RPA1: variants seen among roughly 807,000 people sequenced by gnomAD.
The protein encoded by RPA1 is replication protein A1, also known as replication protein A 70 kDa DNA-binding subunit.
Under a neutral mutation model 83.0 loss-of-function variants are expected in RPA1, and 49 were observed. The observed-to-expected ratio is 0.59, with a 90% confidence interval of 0.47 to 0.75. The LOEUF (loss-of-function observed/expected upper bound fraction) is 0.75, where lower values mean the gene tolerates loss of function less well. Among genes scored for constraint, RPA1 ranks in the 30% least tolerant of loss-of-function variants. RPA1 has a pLI of 0.00. For missense variants in RPA1, 693 were observed against 776.1 expected (o/e 0.89, Z 1.27); for synonymous variants, 279 against 281.8 (o/e 0.99, Z 0.10).
chr17:1,830,864 C>CA lies in RPA1; in HGVS notation c.33+740dup, dbSNP rs1229258089. On this transcript the variant is annotated intron_variant, in intron 1 of 16. Transcript: ENST00000254719. ...CACTGCAACCTCCGTCTCCCGGGTG[C>CA]AAGTGAGTCTCCTGTCTCAGCCTCC... Among the ~76,000 whole-genome samples the CA allele has an allele frequency of 3.3e-5, 5 of 152,054 alleles. No homozygotes were observed. The East Asian group carries it at 9.7e-4, about 29-fold the overall frequency.
chr17:1,889,936 G>A (rs545471596), intron 14 of RPA1, among the ~76,000 whole-genome samples: 1 of 151,464 alleles, frequency 6.6e-6, no homozygotes, highest in Admixed American at 6.6e-5. Flanking sequence ...GGAGGCAGAG[G>A]TTGCAGTGAG....
intron 5 of RPA1, among the ~76,000 whole-genome samples, chr17:1,856,810 CAT>C (rs908773437): frequency 6.6e-6 from 1 of 151,016 alleles, no homozygotes; most frequent in Non-Finnish European, 1.5e-5. Context: ...GGAATTATAG[CAT>C]ATATATATAT....
chr17:1,871,282 G>A (rs1465059129), intron 5 of RPA1, among the ~76,000 whole-genome samples: 1 of 152,094 alleles, frequency 6.6e-6, no homozygotes, highest in Non-Finnish European at 1.5e-5. Flanking sequence ...TTAATTTTAT[G>A]CTAAATTTAT....
chr17:1,886,007 T>C (rs1249533729), intron 13 of RPA1, among the ~76,000 whole-genome samples: 2 of 152,184 alleles, frequency 1.3e-5, no homozygotes, highest in Non-Finnish European at 2.9e-5. Context: ...AATCTCCTTG[T>C]ACTGTGTGTC....
chr17:1,895,847 T>C (rs928170682), intron 16 of RPA1, among the ~76,000 whole-genome samples: 16 of 151,906 alleles, frequency 1.1e-4, no homozygotes, highest in Non-Finnish European at 2.4e-4. Context: ...CATGCCCGGC[T>C]AATTTTTGTA....
At chr17:1,838,165 C>T (rs1214611570) in intron 1 of RPA1, among the ~76,000 whole-genome samples, 2 of 151,140 alleles carry the variant, frequency 1.3e-5, no homozygotes, top group African/African-American at 2.4e-5. Flanking sequence ...GTGGCAGGCA[C>T]CTGTAGTCCC....
chr17:1,850,193 A>C (rs1912438689), intron 4 of RPA1, among the ~76,000 whole-genome samples: 1 of 150,138 alleles, frequency 6.7e-6, no homozygotes, highest in South Asian at 2.1e-4. Flanking sequence ...AAGATTACCT[A>C]ATATTCAACT....
intron 4 of RPA1, among the ~76,000 whole-genome samples, chr17:1,846,311 C>CTTTTTTTTT (rs71150823): frequency 2.6e-5 from 2 of 75,786 alleles, no homozygotes; most frequent in African/African-American, 5.2e-5. Flanking sequence ...GGAAGCTTTG[C>CTTTTTTTTT]TTTTTTTTTT....
intron 5 of RPA1, among the ~76,000 whole-genome samples, chr17:1,868,549 T>C (rs1371286234): frequency 1.3e-5 from 2 of 151,984 alleles, no homozygotes; most frequent in Non-Finnish European, 2.9e-5. Flanking sequence ...GGCGGGTGGA[T>C]CATTTGAGAT....
At chr17:1,885,652 T>C (rs1355212192) in intron 13 of RPA1, among the ~76,000 whole-genome samples, 3 of 152,190 alleles carry the variant, frequency 2.0e-5, no homozygotes, top group African/African-American at 7.2e-5. Context: ...TTGCCCAGGC[T>C]GCTCTCAAAC....
At chr17:1,837,091 C>T (rs562430724) in intron 1 of RPA1, among the ~76,000 whole-genome samples, 1 of 152,192 alleles carries the variant, frequency 6.6e-6, no homozygotes, top group Admixed American at 6.5e-5. Flanking sequence ...CCGCCTCAGC[C>T]TCCCAAAGTG....
chr17:1,853,761 G>A (rs954665011), intron 5 of RPA1, among the ~76,000 whole-genome samples: 1 of 152,162 alleles, frequency 6.6e-6, no homozygotes, highest in Non-Finnish European at 1.5e-5. Flanking sequence ...CAGTAATATA[G>A]GATACTACAG....
chr17:1,861,956 G>C (rs1912988285), intron 5 of RPA1, among the ~76,000 whole-genome samples: 1 of 151,836 alleles, frequency 6.6e-6, no homozygotes, highest in Non-Finnish European at 1.5e-5. Flanking sequence ...CTGGAGTGCA[G>C]TGGCGCGGTC....
rs1490741486 is a variant in RPA1 at position 1,880,538 on chromosome 17, T to A, written c.1093-5T>A. On this transcript the variant is annotated splice_polypyrimidine_tract_variant and splice_region_variant and intron_variant, in intron 11 of 16. Coordinates refer to ENST00000254719, the MANE Select transcript of RPA1 (RefSeq NM_002945.5). ...ACTTGTATATGTCTGGTGTTTCTTT[T>A]ACAGGCTGATAAATTTGATGGTTCT... 2.5e-6 allele frequency: 4 copies of A among 1,613,018 alleles called. No individual in the cohort carries two copies. The Admixed American group carries it at 6.7e-5, about 27-fold the overall frequency.
chr17:1,895,342 T>A (rs894086920), intron 16 of RPA1, among the ~76,000 whole-genome samples: 1 of 144,862 alleles, frequency 6.9e-6, no homozygotes, highest in African/African-American at 2.5e-5. Flanking sequence ...TTTGTTTATT[T>A]TTTTTATTTT....
Position 1,879,575 on chromosome 17 carries a change from G to C in RPA1, c.968G>C (p.Cys323Ser). ...KDSLVDIIGI[C>S]KSYEDATKIT... Reference sequence around the variant, plus strand: ...TGTGTTTTAGACATCATCGGGATCTGCAAGAGCTATGAAGACGCCACTAAA... The same window carrying C: ...TGTGTTTTAGACATCATCGGGATCTCCAAGAGCTATGAAGACGCCACTAAA... Residue 323 changes from cysteine to serine, a missense_variant, in exon 11 of 17, where the codon TGC becomes TCC. Cys to Ser is a moderately radical substitution (Grantham distance 112). Coordinates refer to ENST00000254719, the MANE Select transcript of RPA1 (RefSeq NM_002945.5). 1 of 1,614,218 alleles carries C rather than the reference G, an allele frequency of 6.2e-7. No homozygotes were observed. Among genetic ancestry groups the C allele is most frequent in the African/African-American group, 1.3e-5 (1 of 75,048 alleles).
intron 3 of RPA1, among the ~76,000 whole-genome samples, chr17:1,844,322 G>T (rs1912175381): frequency 6.6e-6 from 1 of 152,156 alleles, no homozygotes; most frequent in African/African-American, 2.4e-5. Flanking sequence ...TTATTTCTGT[G>T]TTGGAAGCTG....
At position 1,853,215 on chromosome 17, in the gene RPA1, G is replaced by T. The variant is rs745760345; in HGVS notation, c.361+26G>T. ...GTAAAATGCTTTGGCGTAGGTTGTA[G>T]CACTCAAATGAATACCTCTTTATAT... On this transcript the variant is annotated intron_variant, in intron 5 of 16. Transcript: ENST00000254719. The T allele has an allele frequency of 2.6e-6, 4 of 1,517,280 alleles. No homozygotes were observed. In the African/African-American group the frequency reaches 5.5e-5, roughly 21 times the overall value. The allele number at this position is 1,517,280 out of a possible 1,614,324, so 94.0% of individuals were successfully genotyped here. A position where few individuals can be genotyped will look rare whatever the true frequency, so the allele number is the denominator to read the frequency against.
chr17:1,897,123 G>A lies in RPA1; in HGVS notation c.1799G>A (p.Arg600Lys), dbSNP rs1197169587. ...ATGGACGTGAAGCCCGTGGACTACA[G>A]AGAGTATGGCCGAAGGCTGGTCATG... ...TVMDVKPVDY[R>K]EYGRRLVMSI... The change falls in exon 17 of 17, where the codon AGA becomes AAA. Residue 600 changes from arginine (R) to lysine (K), a missense_variant. Coordinates refer to ENST00000254719, the MANE Select transcript of RPA1 (RefSeq NM_002945.5). 1.3e-6 allele frequency: 2 copies of A among 1,572,032 alleles called. No homozygotes were observed. The highest frequency in any genetic ancestry group is 1.7e-6 in the Non-Finnish European group (2 of 1,158,330).
Sources: allele counts gnomAD v4.1 joint callset (sites outside exome capture counted in the v4.1 genomes callset), GRCh38; gene constraint gnomAD v4.1.1; transcripts MANE v1.5; gene names NCBI Gene and HGNC (gene_info 2026-07-23, HGNC 2026-07-21).